The following SSBP2 variants were observed in gnomAD, a reference collection of about 807,000 sequenced individuals.
The protein encoded by SSBP2 is single-stranded DNA-binding protein 2.
A neutral mutation model predicts 61.8 loss-of-function variants in SSBP2; 17 were observed. The ratio of observed to expected loss-of-function variants is 0.28; its 90% confidence interval spans 0.19 to 0.41. The LOEUF (loss-of-function observed/expected upper bound fraction) is 0.41, where lower values mean the gene tolerates loss of function less well. Ranked by LOEUF, SSBP2 falls within the 10% of genes least tolerant of loss-of-function variation. The pLI is 1.00. For synonymous variants in SSBP2, 139 were observed against 141.3 expected (o/e 0.98, Z 0.12); for missense variants, 310 against 458.7 (o/e 0.68, Z 2.96).
At chr5:81,706,731 T>C (rs973127818) in intron 1 of SSBP2, among the ~76,000 whole-genome samples, 1 of 152,222 alleles carries the variant, frequency 6.6e-6, no homozygotes, top group African/African-American at 2.4e-5. Flanking sequence ...AATCTTACTG[T>C]TCAGGCAATC....
intron 5 of SSBP2, among the ~76,000 whole-genome samples, chr5:81,499,392 G>C (rs940797089): frequency 5.9e-5 from 9 of 152,158 alleles, no homozygotes; most frequent in Non-Finnish European, 1.5e-5. Context: ...AAGAAGATGA[G>C]ACTTTTCCTC....
chr5:81,605,167 T>C (rs1051185335), intron 4 of SSBP2, among the ~76,000 whole-genome samples: 1 of 149,418 alleles, frequency 6.7e-6, no homozygotes, highest in African/African-American at 2.4e-5. Context: ...ATTGACTCCC[T>C]CAACAGAGAG....
At chr5:81,483,353 C>T (rs1439561685) in intron 6 of SSBP2, among the ~76,000 whole-genome samples, 3 of 152,068 alleles carry the variant, frequency 2.0e-5, no homozygotes, top group Non-Finnish European at 4.4e-5. Context: ...CTGTGTATTT[C>T]CTTGACTACC....
chr5:81,461,435 T>C (rs1764531753), intron 9 of SSBP2, among the ~76,000 whole-genome samples: 1 of 152,132 alleles, frequency 6.6e-6, no homozygotes, highest in African/African-American at 2.4e-5. Context: ...TAGTGAAAAG[T>C]ATTATGAACT....
At chr5:81,614,710 A>C (rs1171539030) in intron 4 of SSBP2, among the ~76,000 whole-genome samples, 1 of 152,100 alleles carries the variant, frequency 6.6e-6, no homozygotes, top group Non-Finnish European at 1.5e-5. Context: ...GATTTCCTCC[A>C]TCTTAAACTC....
At chr5:81,503,702 T>A (rs1024005816) in intron 5 of SSBP2, among the ~76,000 whole-genome samples, 1 of 152,212 alleles carries the variant, frequency 6.6e-6, no homozygotes, top group African/African-American at 2.4e-5. Flanking sequence ...GCAGTACTAT[T>A]CACAATAGCA....
chr5:81,577,340 A>G (rs79393925), intron 4 of SSBP2, among the ~76,000 whole-genome samples: 22 of 152,000 alleles, frequency 1.4e-4, no homozygotes, highest in Non-Finnish European at 2.8e-4. Context: ...CCCTTCTGAA[A>G]GACTGGCTTG....
intron 4 of SSBP2, among the ~76,000 whole-genome samples, chr5:81,553,377 C>G (rs1050772615): frequency 2.6e-5 from 4 of 151,994 alleles, no homozygotes; most frequent in Non-Finnish European, 5.9e-5. Context: ...AGGGAAATAG[C>G]AGGATTGTGA....
rs550391939 is a variant in SSBP2, at chr5:81,584,887, T to A, written c.282+30586A>T. Among the ~76,000 whole-genome samples, 312 of 152,280 alleles carry A rather than the reference T, an allele frequency of 2.0e-3. 2 individuals are homozygous for A. The highest frequency in any genetic ancestry group is 7.3e-3 in the African/African-American group (302 of 41,574). ...AATCATGGCCTTAAATACTTCCATA[T>A]AGCATATAATGCTGTCATATAAAAA... On this transcript the variant is annotated intron_variant, in intron 4 of 16. Transcript: ENST00000320672.
chr5:81,452,071 A>C lies in SSBP2; in HGVS notation c.688-3246T>G, dbSNP rs200932349. 1.4e-3 allele frequency among the ~76,000 whole-genome samples: 78 copies of C among 53,976 alleles called. 3 individuals are homozygous for C. Among genetic ancestry groups the C allele is most frequent in the South Asian group, 0.013 (30 of 2,344 alleles). 35.4% of individuals were successfully genotyped at this position (53,976 alleles called of 152,430 possible). On this transcript the variant is annotated intron_variant, in intron 10 of 16. Coordinates refer to ENST00000320672, the MANE Select transcript of SSBP2 (RefSeq NM_012446.5). ...AGATGCCCATCAGAAAGACAAAGAG[A>C]AGAACTGCTATAAAAAACAAAGAAA...
chr5:81,632,188 G>C (rs1747793723), intron 3 of SSBP2, among the ~76,000 whole-genome samples: 1 of 152,124 alleles, frequency 6.6e-6, no homozygotes, highest in South Asian at 2.1e-4. Flanking sequence ...ATTATATAGT[G>C]TTCATCATTA....
intron 4 of SSBP2, among the ~76,000 whole-genome samples, chr5:81,532,853 T>C (rs1238254621): frequency 1.3e-5 from 2 of 151,944 alleles, no homozygotes; most frequent in African/African-American, 4.8e-5. Flanking sequence ...CAATATTAAA[T>C]GTTTTATATC....
At chr5:81,527,495 C>G (rs567401598) in intron 4 of SSBP2, among the ~76,000 whole-genome samples, 1 of 152,046 alleles carries the variant, frequency 6.6e-6, no homozygotes, top group Admixed American at 6.6e-5. Context: ...AACAGGGTAT[C>G]AATCAAGTTT....
At chr5:81,698,683 C>T (rs1753757251) in intron 1 of SSBP2, among the ~76,000 whole-genome samples, 1 of 152,126 alleles carries the variant, frequency 6.6e-6, no homozygotes, top group South Asian at 2.1e-4. Flanking sequence ...TGGTGCATGC[C>T]TGTAATCCCA....
intron 9 of SSBP2, among the ~76,000 whole-genome samples, chr5:81,462,888 TATC>T (rs1246393364): frequency 6.6e-6 from 1 of 152,114 alleles, no homozygotes; most frequent in East Asian, 1.9e-4. Flanking sequence ...AATTTTGAAA[TATC>T]ATAACCAAAC....
chr5:81,493,251 CAGATAGATAGATAGATAGATAGATAGAT>C, intron 5 of SSBP2, among the ~76,000 whole-genome samples: 1 of 145,614 alleles, frequency 6.9e-6, no homozygotes, highest in East Asian at 2.1e-4. Flanking sequence ...ATGAACAAAA[CAGATAGATAGATAGATAGATAGATAGAT>C]AGATAGATAG....
chr5:81,634,003 T>C (rs774044679), intron 3 of SSBP2, among the ~76,000 whole-genome samples: 1 of 152,160 alleles, frequency 6.6e-6, no homozygotes, highest in East Asian at 1.9e-4. Context: ...TAAAATAAAA[T>C]TGTAAGGTCC....
intron 4 of SSBP2, among the ~76,000 whole-genome samples, chr5:81,609,318 T>C (rs187281443): frequency 1.8e-4 from 27 of 152,310 alleles, no homozygotes; most frequent in Non-Finnish European, 3.4e-4. Context: ...CTTCATCCAG[T>C]TTCTCTGATA....
At chr5:81,528,234 G>C (rs933815058) in intron 4 of SSBP2, among the ~76,000 whole-genome samples, 1 of 151,888 alleles carries the variant, frequency 6.6e-6, no homozygotes, top group African/African-American at 2.4e-5. Flanking sequence ...TTTTGTTTCT[G>C]GCTAAAATAA....
Sources: allele counts gnomAD v4.1 joint callset (sites outside exome capture counted in the v4.1 genomes callset), GRCh38; gene constraint gnomAD v4.1.1; transcripts MANE v1.5; gene names NCBI Gene and HGNC (gene_info 2026-07-23, HGNC 2026-07-21).